Variants in PDZD2 observed in about 807,000 individuals in gnomAD.
The protein encoded by PDZD2 is PDZ domain-containing protein 2.
Under a neutral mutation model 220.7 loss-of-function variants are expected in PDZD2, and 90 were observed. The ratio of observed to expected loss-of-function variants is 0.41; its 90% CI spans 0.34 to 0.49. The LOEUF is 0.49. PDZD2 is among the 20% of genes least tolerant of loss of function. The pLI, the probability that PDZD2 is intolerant of heterozygous loss-of-function variation, is 0.28. For missense variants in PDZD2, 3,174 were observed against 3,608.5 expected (o/e 0.88, Z 3.08); for synonymous variants, 1,375 against 1,450.5 (o/e 0.95, Z 1.18).
chr5:31,852,605 T>G (rs1008378978), intron 2 of PDZD2, among the ~76,000 whole-genome samples: 2 of 147,890 alleles, frequency 1.4e-5, no homozygotes, highest in East Asian at 4.1e-4. Context: ...TGTATTTATT[T>G]TATGTTTTTG....
intron 1 of PDZD2, among the ~76,000 whole-genome samples, chr5:31,786,994 T>A (rs1381800257): frequency 6.6e-6 from 1 of 152,130 alleles, no homozygotes; most frequent in Non-Finnish European, 1.5e-5. Flanking sequence ...AAAAAATCAC[T>A]CTGGTGTAAT....
At chr5:32,066,917 C>G (rs577136302) in intron 14 of PDZD2, among the ~76,000 whole-genome samples, 3 of 152,312 alleles carry the variant, frequency 2.0e-5, no homozygotes, top group African/African-American at 7.2e-5. Context: ...AGTGTTGGAG[C>G]TATGTCCGGC....
chr5:31,675,478 GATA>G lies in PDZD2; in HGVS notation c.-361+36054_-361+36056del, dbSNP rs200257017. ...CGTTGGCTGCCAATCCTATCAAAGG[GATA>G]ATAATAATAATAGTAGCAATGATTT... On this transcript the variant is annotated intron_variant, in intron 1 of 24. Coordinates refer to ENST00000438447, the MANE Select transcript of PDZD2 (RefSeq NM_178140.4). Among the ~76,000 whole-genome samples the G allele has an allele frequency of 8.0e-3, 1,210 of 152,124 alleles. 10 individuals are homozygous for G. Among genetic ancestry groups the G allele is most frequent in the African/African-American group, 0.028 (1,166 of 41,484 alleles).
intron 1 of PDZD2, among the ~76,000 whole-genome samples, chr5:31,784,910 A>G (rs1337035096): frequency 6.6e-6 from 1 of 152,062 alleles, no homozygotes; most frequent in Non-Finnish European, 1.5e-5. Context: ...CCGTCTCAAA[A>G]AAAAAAAAGG....
intron 2 of PDZD2, among the ~76,000 whole-genome samples, chr5:31,948,998 T>C (rs901326480): frequency 2.0e-5 from 3 of 147,618 alleles, no homozygotes; most frequent in African/African-American, 5.1e-5. Flanking sequence ...ACTCGGAGGC[T>C]GAGGCAGGAG....
At chr5:31,913,212 A>T (rs1743358616) in intron 2 of PDZD2, among the ~76,000 whole-genome samples, 1 of 152,124 alleles carries the variant, frequency 6.6e-6, no homozygotes, top group Non-Finnish European at 1.5e-5. Context: ...GTGGTGGCAC[A>T]TGCCTGTAGT....
At chr5:32,073,692 C>T in intron 17 of PDZD2, 140 bp from the exon 18 acceptor site, 1 of 691,552 alleles carries the variant, frequency 1.4e-6, no homozygotes. Flanking sequence ...TTGCCTAGGC[C>T]TTGTGTCCAG....
intron 1 of PDZD2, among the ~76,000 whole-genome samples, chr5:31,745,827 G>A (rs970654865): frequency 1.2e-5 from 1 of 84,200 alleles, no homozygotes; most frequent in Non-Finnish European, 2.6e-5. Context: ...TTTTTTTTTT[G>A]CTAATATTAA....
rs10472197 is a variant in PDZD2, at chr5:31,831,934, A to G, written c.476+32210A>G. ...TTCAAAAAAAAAAAAAAAAAAAAAA[A>G]GAATAACGATGGGGTGGGGAAAAGT... On this transcript the variant is annotated intron_variant, in intron 2 of 24. Transcript: ENST00000438447. Among the ~76,000 whole-genome samples, 1,209 of 149,128 alleles carry G rather than the reference A, an allele frequency of 8.1e-3. 17 individuals are homozygous for G. The highest frequency in any genetic ancestry group is 0.027 in the African/African-American group (1,096 of 40,756).
At chr5:31,996,784 G>T (rs543182964) in intron 4 of PDZD2, among the ~76,000 whole-genome samples, 1 of 152,308 alleles carries the variant, frequency 6.6e-6, no homozygotes, top group East Asian at 1.9e-4. Flanking sequence ...AGGAGACTCA[G>T]GTGGGAGGAT....
chr5:31,816,902 G>A (rs1472930996), intron 2 of PDZD2, among the ~76,000 whole-genome samples: 1 of 152,238 alleles, frequency 6.6e-6, no homozygotes, highest in African/African-American at 2.4e-5. Context: ...GCAGCATCCA[G>A]GCTGGGCGCC....
intron 14 of PDZD2, among the ~76,000 whole-genome samples, chr5:32,064,978 A>G (rs953783411): frequency 1.4e-5 from 2 of 147,652 alleles, no homozygotes; most frequent in African/African-American, 5.0e-5. Context: ...AAAAAAGTAA[A>G]GAAATAAAAT....
At chr5:31,983,048 A>T in intron 2 of PDZD2, 107 bp from the exon 3 acceptor site, 1 of 1,139,362 alleles carries the variant, frequency 8.8e-7, no homozygotes, top group South Asian at 1.5e-5. Context: ...ACCTCAGTCC[A>T]TCGGCCAACT....
chr5:31,848,811 A>T (rs961752841), intron 2 of PDZD2, among the ~76,000 whole-genome samples: 30 of 151,266 alleles, frequency 2.0e-4, no homozygotes. Flanking sequence ...GCACTTTGGG[A>T]GGTCTAGGTG....
chr5:32,102,353 C>T (rs563530978), intron 24 of PDZD2, among the ~76,000 whole-genome samples: 2 of 152,078 alleles, frequency 1.3e-5, no homozygotes, highest in South Asian at 2.1e-4. Context: ...CGAAGCATCT[C>T]GTGATGCAGA....
In PDZD2 at chr5:32,089,038, T is replaced by C; in HGVS notation, c.5590T>C (p.Ser1864Pro). 6.2e-7 allele frequency: 1 copy of C among 1,613,808 alleles called. No individual in the cohort carries two copies. The highest frequency in any genetic ancestry group is 8.5e-7 in the Non-Finnish European group (1 of 1,179,966). ...AACAAACCTGGAAAATAAGGACCTG[T>C]CTAAGAAGAGTCCGGCAGAAATGCT... ...PKTNLENKDL[S>P]KKSPAEMLLT... is the part of the protein sequence containing the mutation. The change falls in exon 20 of 25, where the codon TCT (serine) becomes CCT (proline). Residue 1864 changes from serine to proline, a missense_variant. This residue lies in a region of PDZD2 where 1,861 missense variants were observed against 2,001.0 expected (regional missense o/e 0.93). Transcript: ENST00000438447.
chr5:31,863,754 C>A (rs536120143), intron 2 of PDZD2, among the ~76,000 whole-genome samples: 1 of 152,054 alleles, frequency 6.6e-6, no homozygotes, highest in African/African-American at 2.4e-5. Context: ...ATAAGCATTC[C>A]GTGGAAGTTT....
chr5:31,846,337 G>A (rs550753790), intron 2 of PDZD2, among the ~76,000 whole-genome samples: 1 of 152,306 alleles, frequency 6.6e-6, no homozygotes, highest in African/African-American at 2.4e-5. Context: ...GTTTCACCAT[G>A]TTGGCCAGGC....
At chr5:31,907,657 T>C in intron 2 of PDZD2, among the ~76,000 whole-genome samples, 1 of 152,216 alleles carries the variant, frequency 6.6e-6, no homozygotes, top group East Asian at 1.9e-4. Flanking sequence ...CAATATTTTA[T>C]ATGTTTAATG....
Sources: allele counts gnomAD v4.1 joint callset (sites outside exome capture counted in the v4.1 genomes callset), GRCh38; gene constraint gnomAD v4.1.1; regional missense constraint gnomAD v4.1.1; transcripts MANE v1.5; gene names NCBI Gene and HGNC (gene_info 2026-07-23, HGNC 2026-07-21).